The following HERC1 variants were observed in gnomAD, a reference collection of about 807,000 sequenced individuals.
The protein encoded by HERC1 is probable E3 ubiquitin-protein ligase HERC1.
In HERC1, 160 loss-of-function variants were observed where a neutral mutation model predicts 554.3. The observed-to-expected ratio is 0.29, with a 90% CI of 0.25 to 0.33. The LOEUF (loss-of-function observed/expected upper bound fraction) is 0.33, where lower values mean the gene tolerates loss of function less well. HERC1 is among the 10% of genes least tolerant of loss of function. The pLI, the probability that HERC1 is intolerant of heterozygous loss-of-function variation, is 1.00. For missense variants in HERC1, 4,919 were observed against 5,918.5 expected, an observed-to-expected ratio of 0.83 and a Z score of 5.54; for synonymous variants, 2,175 against 2,131.7, an observed-to-expected ratio of 1.02 and a Z score of -0.56.
intron 1 of HERC1, among the ~76,000 whole-genome samples, chr15:63,814,445 G>A (rs1264980333): frequency 6.6e-6 from 1 of 151,726 alleles, no homozygotes; most frequent in African/African-American, 2.4e-5. Context: ...AGCTTTGTGG[G>A]TGGGGGAGGG....
intron 2 of HERC1, among the ~76,000 whole-genome samples, chr15:63,766,153 A>G (rs1175546942): frequency 6.6e-6 from 1 of 152,024 alleles, no homozygotes; most frequent in Non-Finnish European, 1.5e-5. Context: ...AACTATTAGT[A>G]AATATTAAAA....
intron 19 of HERC1, among the ~76,000 whole-genome samples, chr15:63,721,143 A>G (rs2073800476): frequency 6.6e-6 from 1 of 152,200 alleles, no homozygotes; most frequent in African/African-American, 2.4e-5. Flanking sequence ...CAGAAAATAC[A>G]TCTTAGAAAG....
intron 25 of HERC1, among the ~76,000 whole-genome samples, chr15:63,704,154 CA>C (rs1265024345): frequency 6.6e-6 from 1 of 151,840 alleles, no homozygotes; most frequent in African/African-American, 2.4e-5. Flanking sequence ...AAAAGCAAAA[CA>C]AAAAAACCCT....
chr15:63,680,546 T>C lies in HERC1; in HGVS notation c.6456A>G (p.Lys2152=), dbSNP rs2071429016. ...DMEARTISFG[K]NGEEPKLAFE... Reference sequence around the variant, plus strand: ...GAATGGGTGTCGGTACCTCTCCATTTTTCCCAAAAGAAATGGTCCTGGCTT... The same window carrying C: ...GAATGGGTGTCGGTACCTCTCCATTCTTCCCAAAAGAAATGGTCCTGGCTT... Residue 2152 remains lysine, a synonymous_variant, in exon 35 of 78, where the codon AAA becomes AAG. Transcript: ENST00000443617. This position sits in a 1 kb window ranked among gnomAD's most constrained non-coding sequence, Gnocchi z 5.8. 6.2e-7 allele frequency: 1 copy of C among 1,613,728 alleles called. No individual in the cohort carries two copies. Among genetic ancestry groups the C allele is most frequent in the Non-Finnish European group, 8.5e-7 (1 of 1,179,724 alleles).
chr15:63,729,447 G>C lies in HERC1; in HGVS notation c.3021+50C>G, dbSNP rs370151527. 858 of 1,596,360 alleles carry C rather than the reference G, an allele frequency of 5.4e-4. 10 individuals are homozygous for C. The South Asian group carries it at 8.8e-3, about 16-fold the overall frequency. On this transcript the variant is annotated intron_variant, in intron 15 of 77. Transcript: ENST00000443617. The stretch of plus-strand genomic sequence containing the variant: ...AATATCATGGCCTATCCAAATATCT[G>C]AGTTTCAAGGTCCCTGATAGATCAC...
chr15:63,639,784 C>A (rs1056131520), intron 61 of HERC1, among the ~76,000 whole-genome samples: 2 of 151,994 alleles, frequency 1.3e-5, no homozygotes, highest in Non-Finnish European at 2.9e-5. Flanking sequence ...GATTGAAATG[C>A]CAAATAAATT....
At chr15:63,636,190 T>C (rs763250509) in intron 64 of HERC1, 48 bp from the exon 65 acceptor site, 7 of 1,531,038 alleles carry the variant, frequency 4.6e-6, no homozygotes, top group Non-Finnish European at 6.2e-6. Context: ...GTTAAAACTC[T>C]CCTCTTTACT....
Position 63,651,317 on chromosome 15 carries a change from C to G in HERC1, c.10482G>C (p.Trp3494Cys), listed in dbSNP as rs767555125. The stretch of plus-strand genomic sequence containing the variant: ...CTGCTAGATATTTGCCACTGATACT[C>G]CAGGAAACTGGTGAGAAACTTGGAT... The part of the protein sequence containing the change: ...PSDPSFSPVS[W>C]SISGKYLAGA... The change falls in exon 53 of 78, where the codon TGG becomes TGC. Residue 3494 changes from tryptophan to cysteine, a missense_variant. Around this residue, in one of 11 missense-constraint regions of HERC1, gnomAD observed 1,963 missense variants for 2,228.6 expected, o/e 0.88. Transcript: ENST00000443617. The G allele has an allele frequency of 1.1e-5, 17 of 1,613,698 alleles. No individual in the cohort carries two copies. The highest frequency in any genetic ancestry group is 1.4e-5 in the Non-Finnish European group (17 of 1,179,742).
chr15:63,661,793 A>G lies in HERC1; in HGVS notation c.9130T>C (p.Leu3044=). 6.2e-7 allele frequency: 1 copy of G among 1,613,992 alleles called. No individual in the cohort carries two copies. Among genetic ancestry groups the G allele is most frequent in the Non-Finnish European group, 8.5e-7 (1 of 1,179,874 alleles). Residue 3044 remains leucine, a synonymous_variant, in exon 45 of 78, where the codon TTA becomes CTA. Coordinates refer to ENST00000443617, the MANE Select transcript of HERC1 (RefSeq NM_003922.4). Reference sequence around the variant, plus strand: ...GACTTAGATTTGGTCTTCATGGCTAAGTACTTCTCCCTGCAGGTGCCACAT... The same window carrying G: ...GACTTAGATTTGGTCTTCATGGCTAGGTACTTCTCCCTGCAGGTGCCACAT... ...LLCGTCREKY[L]AMKTKSKSTS... is the part of the protein sequence containing the mutation.
intron 54 of HERC1, among the ~76,000 whole-genome samples, chr15:63,649,333 CAG>C (rs2069546251): frequency 6.6e-6 from 1 of 151,912 alleles, no homozygotes; most frequent in South Asian, 2.1e-4. Flanking sequence ...AGCCTGGTGA[CAG>C]AGCGAGACTC....
chr15:63,812,649 G>C (rs2077367561), intron 1 of HERC1, among the ~76,000 whole-genome samples: 1 of 152,034 alleles, frequency 6.6e-6, no homozygotes. Flanking sequence ...CTGCACACTA[G>C]TAAGCTTCAC....
At chr15:63,688,373 A>G (rs560831799) in intron 33 of HERC1, among the ~76,000 whole-genome samples, 48 of 152,174 alleles carry the variant, frequency 3.2e-4, no homozygotes, top group Non-Finnish European at 5.6e-4. Flanking sequence ...GCCATTTTTG[A>G]CATACTGAGT....
rs78285098 is a variant in HERC1 at position 63,790,806 on chromosome 15, T to A, written c.-26-15157A>T. Among the ~76,000 whole-genome samples, 1,100 of 151,474 alleles carry A rather than the reference T, an allele frequency of 7.3e-3. 15 individuals are homozygous for A. Among genetic ancestry groups the A allele is most frequent in the African/African-American group, 0.026 (1,059 of 41,362 alleles). On this transcript the variant is annotated intron_variant, in intron 1 of 77. Transcript: ENST00000443617. ...TTTTTTTTTTTTAATTCTCTGTACT[T>A]CTCTTCAGTCTTAAATTTTTCTCAA...
chr15:63,829,678 T>C (rs1596344500), intron 1 of HERC1, among the ~76,000 whole-genome samples: 1 of 150,120 alleles, frequency 6.7e-6, no homozygotes, highest in Admixed American at 6.7e-5. Flanking sequence ...TATACAGATT[T>C]TGATTTTAAA....
chr15:63,646,056 C>A (rs184851549), intron 55 of HERC1, among the ~76,000 whole-genome samples: 9 of 152,154 alleles, frequency 5.9e-5, no homozygotes, highest in Non-Finnish European at 1.3e-4. Context: ...AAAAAATGCA[C>A]CCCTTACATC....
At chr15:63,611,590 T>C (rs2152705014) in intron 77 of HERC1, among the ~76,000 whole-genome samples, 1 of 152,284 alleles carries the variant, frequency 6.6e-6, no homozygotes, top group South Asian at 2.1e-4. Flanking sequence ...CACCAGTTAA[T>C]GGTTAATATT....
chr15:63,666,150 C>A lies in HERC1; in HGVS notation c.8324G>T (p.Gly2775Val). The A allele has an allele frequency of 6.2e-7, 1 of 1,605,974 alleles. No homozygotes were observed. Among genetic ancestry groups the A allele is most frequent in the Non-Finnish European group, 8.5e-7 (1 of 1,175,236 alleles). ...RQIAKAMEAT[G>V]ARGEADAQNI... ...CTGGGCATCAGCCTCTCCCCTAGCA[C>A]CTATACAGGGGAAAAACAGTCTGAT... Residue 2775 changes from glycine to valine, a missense_variant and splice_region_variant, in exon 42 of 78, where the codon GGT (glycine) becomes GTT (valine). Physicochemically the swap from Gly to Val is moderately radical, Grantham distance 109 (BLOSUM62 -3). Transcript: ENST00000443617.
intron 2 of HERC1, among the ~76,000 whole-genome samples, chr15:63,765,249 C>A (rs2075738401): frequency 6.6e-6 from 1 of 152,074 alleles, no homozygotes; most frequent in African/African-American, 2.4e-5. Context: ...TGCGACCATA[C>A]CCTCCTTTGT....
intron 3 of HERC1, among the ~76,000 whole-genome samples, chr15:63,760,120 T>A (rs951994648): frequency 6.7e-6 from 1 of 149,632 alleles, no homozygotes; most frequent in East Asian, 2.0e-4. Context: ...GAAAAAAAAA[T>A]TGAACTGGAT....
Sources: gnomAD v4.1 joint callset for allele counts (sites outside exome capture counted in the v4.1 genomes callset) on GRCh38, gnomAD v4.1.1 for gene constraint, gnomAD v4.1.1 regional missense constraint, Gnocchi (gnomAD v3.1) non-coding constraint, MANE v1.5 for transcripts, NCBI Gene and HGNC (gene_info 2026-07-23, HGNC 2026-07-21) for gene names.